Variants in DENND1B observed in about 807,000 individuals in gnomAD.
DENND1B encodes the protein DENN domain containing 1B, also known as DENN domain-containing protein 1B.
In DENND1B, 59 loss-of-function variants were observed where a neutral mutation model predicts 90.1. The observed-to-expected ratio is 0.65, with a 90% CI of 0.53 to 0.81. The LOEUF (loss-of-function observed/expected upper bound fraction) is 0.81, where lower values mean the gene tolerates loss of function less well. Ranked by LOEUF, DENND1B falls within the 40% of genes least tolerant of loss-of-function variation. The pLI is 0.00. For synonymous variants in DENND1B, 337 were observed against 324.6 expected (o/e 1.04, Z -0.41); for missense variants, 862 against 912.6 (o/e 0.94, Z 0.71).
At chr1:197,646,564 A>C (rs1288711072) in intron 8 of DENND1B, among the ~76,000 whole-genome samples, 1 of 152,024 alleles carries the variant, frequency 6.6e-6, no homozygotes, top group East Asian at 1.9e-4. Flanking sequence ...GAATCACATA[A>C]GGACATATTT....
chr1:197,691,838 C>T (rs2102092169), intron 3 of DENND1B, among the ~76,000 whole-genome samples: 1 of 151,978 alleles, frequency 6.6e-6, no homozygotes, highest in Non-Finnish European at 1.5e-5. Context: ...GAACATTACA[C>T]TAAGTGAAAT....
chr1:197,520,389 A>G (rs1422622518), intron 20 of DENND1B, among the ~76,000 whole-genome samples: 1 of 152,052 alleles, frequency 6.6e-6, no homozygotes, highest in African/African-American at 2.4e-5. Flanking sequence ...CATAATTGAT[A>G]AACTTTTTGA....
chr1:197,639,858 T>A (rs1165196182), intron 10 of DENND1B, among the ~76,000 whole-genome samples: 1 of 152,160 alleles, frequency 6.6e-6, no homozygotes, highest in African/African-American at 2.4e-5. Context: ...AAAAGAATTA[T>A]TCAAGACAGA....
intron 2 of DENND1B, among the ~76,000 whole-genome samples, chr1:197,720,661 C>T (rs1000326829): frequency 6.6e-6 from 1 of 152,070 alleles, no homozygotes; most frequent in Admixed American, 6.6e-5. Context: ...GACACTTTTG[C>T]CATTTTTCCT....
At chr1:197,537,317 T>C (rs2125647335) in intron 20 of DENND1B, among the ~76,000 whole-genome samples, 2 of 152,276 alleles carry the variant, frequency 1.3e-5, no homozygotes, top group South Asian at 4.1e-4. Flanking sequence ...ATTCCTGTTA[T>C]AATTATTGCT....
At chr1:197,548,893 T>C (rs945921121) in intron 16 of DENND1B, among the ~76,000 whole-genome samples, 3 of 152,138 alleles carry the variant, frequency 2.0e-5, no homozygotes, top group Non-Finnish European at 4.4e-5. Flanking sequence ...TATGAAAACA[T>C]GGTACAATTT....
chr1:197,658,790 T>G (rs992906466), intron 5 of DENND1B, among the ~76,000 whole-genome samples: 2 of 151,160 alleles, frequency 1.3e-5, no homozygotes, highest in African/African-American at 4.8e-5. Context: ...TATGTGTTTT[T>G]CAATTCTTCA....
At chr1:197,737,188 C>A (rs1318512924) in intron 2 of DENND1B, among the ~76,000 whole-genome samples, 3 of 152,166 alleles carry the variant, frequency 2.0e-5, no homozygotes, top group African/African-American at 7.2e-5. Context: ...ATAAACCTGA[C>A]AGCAACATCT....
chr1:197,680,828 C>T (rs945490155), intron 3 of DENND1B, among the ~76,000 whole-genome samples: 1 of 152,092 alleles, frequency 6.6e-6, no homozygotes, highest in Non-Finnish European at 1.5e-5. Flanking sequence ...CCAGTTTCCT[C>T]ATCTAGGAAA....
intron 10 of DENND1B, among the ~76,000 whole-genome samples, chr1:197,627,595 A>C (rs1434672563): frequency 6.6e-6 from 1 of 152,108 alleles, no homozygotes; most frequent in Non-Finnish European, 1.5e-5. Context: ...AAAAACTGGA[A>C]GCATTCCCTT....
At chr1:197,685,571 T>C (rs1657148610) in intron 3 of DENND1B, 1 of 152,200 alleles carries the variant, frequency 6.6e-6, no homozygotes, top group Non-Finnish European at 1.5e-5. Context: ...TTAGGTTATC[T>C]TAAATTACAC....
At chr1:197,563,260 C>G (rs1462601350) in intron 15 of DENND1B, among the ~76,000 whole-genome samples, 2 of 151,976 alleles carry the variant, frequency 1.3e-5, no homozygotes, top group African/African-American at 2.4e-5. Context: ...ACATTCATAG[C>G]TAGAGAGGAG....
chr1:197,746,769 T>C (rs1663795742), intron 2 of DENND1B: 1 of 1,461,556 alleles, frequency 6.8e-7, no homozygotes, highest in Non-Finnish European at 9.6e-7. Flanking sequence ...CCCATGTCAC[T>C]TTGGGTTTCC....
intron 20 of DENND1B, among the ~76,000 whole-genome samples, chr1:197,525,052 G>A (rs1012577643): frequency 4.3e-4 from 65 of 151,942 alleles, no homozygotes; most frequent in Non-Finnish European, 5.6e-4. Flanking sequence ...ACTCTATCAG[G>A]GATTCTAAAA....
intron 6 of DENND1B, among the ~76,000 whole-genome samples, chr1:197,656,489 T>C (rs957351928): frequency 6.6e-6 from 1 of 152,120 alleles, no homozygotes; most frequent in East Asian, 1.9e-4. Context: ...TTGTATCAAA[T>C]AGCATAGCTA....
At chr1:197,659,694 A>C (rs1654214207) in intron 5 of DENND1B, among the ~76,000 whole-genome samples, 1 of 152,038 alleles carries the variant, frequency 6.6e-6, no homozygotes, top group South Asian at 2.1e-4. Context: ...TAACAGCAGA[A>C]AAGAGTAAAC....
intron 5 of DENND1B, among the ~76,000 whole-genome samples, chr1:197,662,207 C>A (rs1002021879): frequency 1.3e-5 from 2 of 151,920 alleles, no homozygotes; most frequent in African/African-American, 2.4e-5. Context: ...TTTATTATTT[C>A]TATTTGGGGA....
intron 15 of DENND1B, among the ~76,000 whole-genome samples, chr1:197,581,460 A>C (rs1016497550): frequency 7.9e-5 from 12 of 152,208 alleles, no homozygotes; most frequent in African/African-American, 1.2e-4. Flanking sequence ...TCTAAGAATG[A>C]GGCAGACATT....
chr1:197,633,792 T>C (rs2125902073), intron 10 of DENND1B, among the ~76,000 whole-genome samples: 1 of 152,272 alleles, frequency 6.6e-6, no homozygotes, highest in East Asian at 1.9e-4. Context: ...GAGTGTACAA[T>C]TTCCAACAGT....
Sources: allele counts gnomAD v4.1 joint callset (sites outside exome capture counted in the v4.1 genomes callset), GRCh38; gene constraint gnomAD v4.1.1; transcripts MANE v1.5; gene names NCBI Gene and HGNC (gene_info 2026-07-23, HGNC 2026-07-21).